NRAP: variants seen among roughly 807,000 people sequenced by gnomAD.
NRAP encodes the protein nebulin-related-anchoring protein.
A neutral mutation model predicts 225.9 loss-of-function variants in NRAP; 189 were observed. That is an observed-to-expected ratio of 0.84 (90% confidence interval 0.74 to 0.94). NRAP has a LOEUF of 0.94. Ranked by LOEUF, NRAP falls within the 40% of genes least tolerant of loss-of-function variation. The probability of loss-of-function intolerance (pLI) is 0.00; values close to 1 mark genes in which losing one functional copy is unlikely to be tolerated. For synonymous variants in NRAP, 769 were observed against 790.7 expected, an observed-to-expected ratio of 0.97 and a Z score of 0.46; for missense variants, 2,176 against 2,168.7, an observed-to-expected ratio of 1.00 and a Z score of -0.07.
At position 113,628,829 on chromosome 10, in the gene NRAP, A is replaced by G. The variant is rs2286741; in HGVS notation, c.2145+88T>C. Reference sequence around the variant, plus strand: ...AATCACAGCCAAAATAAATCTGAGGATAGAGAAAGGGAATTAGAGGCAAAG... The same window carrying G: ...AATCACAGCCAAAATAAATCTGAGGGTAGAGAAAGGGAATTAGAGGCAAAG... On this transcript the variant is annotated intron_variant, in intron 20 of 41. Coordinates refer to ENST00000359988, the MANE Select transcript of NRAP (RefSeq NM_198060.4). The G allele has an allele frequency of 0.3, 217,724 of 719,024 alleles. 33,964 individuals are homozygous for G. The highest frequency in any genetic ancestry group is 0.4 in the Admixed American group (15,936 of 39,540). The allele number at this position is 719,024 out of a possible 1,614,324, so 44.5% of individuals were successfully genotyped here.
At chr10:113,641,262 T>C in intron 13 of NRAP, 103 bp downstream of exon 13, 1 of 685,970 alleles carries the variant, frequency 1.5e-6, no homozygotes, top group Non-Finnish European at 2.4e-6. Flanking sequence ...GTCTTTAAAA[T>C]AGAAGACAGA....
intron 14 of NRAP, among the ~76,000 whole-genome samples, 154 bp downstream of exon 14, chr10:113,640,073 G>C (rs189834783): frequency 2.1e-3 from 313 of 152,310 alleles, no homozygotes; most frequent in Middle Eastern, 0.02. Context: ...GAACTTCCTA[G>C]TGGAAAATAG....
At chr10:113,624,330 T>G (rs1353267046) in intron 22 of NRAP, among the ~76,000 whole-genome samples, 3 of 152,194 alleles carry the variant, frequency 2.0e-5, no homozygotes, top group Non-Finnish European at 4.4e-5. Flanking sequence ...GCTACCACTG[T>G]GCACTTGCCT....
chr10:113,650,433 C>T lies in NRAP; in HGVS notation c.783+5G>A. On this transcript the variant is annotated splice_donor_5th_base_variant and intron_variant, in intron 8 of 41. Transcript: ENST00000359988. ...TAACATGACCACATTGTCAAGGACA[C>T]TTACATCACTTGCCAGCTCATTGGC... The T allele has an allele frequency of 6.2e-7, 1 of 1,600,916 alleles. No homozygotes were observed. The highest frequency in any genetic ancestry group is 8.6e-7 in the Non-Finnish European group (1 of 1,167,802).
At chr10:113,589,593 T>G in intron 41 of NRAP, 73 bp downstream of exon 41, 8 of 1,545,036 alleles carry the variant, frequency 5.2e-6, no homozygotes, top group Non-Finnish European at 7.0e-6. Flanking sequence ...AAATAAACTT[T>G]GAAAAGAAAC....
intron 26 of NRAP, 69 bp from the exon 27 acceptor site, chr10:113,615,885 T>TGCAGC: frequency 1.1e-6 from 1 of 894,220 alleles, no homozygotes; most frequent in South Asian, 1.4e-5. Flanking sequence ...CAGGTTACGC[T>TGCAGC]TCAAGAGTCC....
At chr10:113,605,170 G>A (rs1409534073) in intron 34 of NRAP, among the ~76,000 whole-genome samples, 1 of 152,204 alleles carries the variant, frequency 6.6e-6, no homozygotes, top group Admixed American at 6.5e-5. Context: ...ATGGCCAAAA[G>A]GAATTTATCA....
Position 113,595,653 on chromosome 10 carries a change from T to C in NRAP, c.4506A>G (p.Arg1502=), listed in dbSNP as rs763752200. The change falls in exon 38 of 42, where the codon CGA becomes CGG. Residue 1502 remains arginine, a synonymous_variant. Transcript: ENST00000359988. ...TCAGATGCAGCGCATTGAGGCGAGCTCGGGTGAAATCGGGATGGTCGGGGA... is the reference window on the plus strand; with the variant it reads ...TCAGATGCAGCGCATTGAGGCGAGCCCGGGTGAAATCGGGATGGTCGGGGA... ...TLIPDHPDFT[R]ARLNALHLSD... 1 of 1,613,584 alleles carries C rather than the reference T, an allele frequency of 6.2e-7. No homozygotes were observed. Among genetic ancestry groups the C allele is most frequent in the Non-Finnish European group, 8.5e-7 (1 of 1,179,548 alleles).
chr10:113,627,215 ACTC>A (rs1367178949), intron 20 of NRAP, among the ~76,000 whole-genome samples: 2 of 152,030 alleles, frequency 1.3e-5, no homozygotes, highest in African/African-American at 4.8e-5. Context: ...GAATGGGAAA[ACTC>A]CTTCACCACA....
chr10:113,643,484 T>A (rs952525396), intron 11 of NRAP, among the ~76,000 whole-genome samples: 1 of 152,200 alleles, frequency 6.6e-6, no homozygotes, highest in African/African-American at 2.4e-5. Context: ...CACTATACAT[T>A]TATGATGTAT....
Position 113,657,554 on chromosome 10 carries a change from A to C in NRAP, c.276T>G (p.Gly92=). The C allele has an allele frequency of 1.3e-6, 2 of 1,592,230 alleles. No homozygotes were observed. The highest frequency in any genetic ancestry group is 1.1e-5 in the South Asian group (1 of 90,572). ...AGTGAAAAACTGATTTACACTGTTC[A>C]CCATCTTCTTGGTCATGGATCTGCT... ...AISGIHDQED[G]EQCKSVFHWD... Residue 92 remains glycine (G), a synonymous_variant, in exon 4 of 42, where the codon GGT becomes GGG. Coordinates refer to ENST00000359988, the MANE Select transcript of NRAP (RefSeq NM_198060.4).
In NRAP at chr10:113,643,024, C is replaced by G. The variant is rs1180441239; in HGVS notation, c.1125G>C (p.Lys375Asn). 1 of 1,555,504 alleles carries G rather than the reference C, an allele frequency of 6.4e-7. No homozygotes were observed. Among genetic ancestry groups the G allele is most frequent in the Admixed American group, 1.7e-5 (1 of 59,886 alleles). ...NKLVSEVEYK[K>N]DLESSRGHSI... The stretch of plus-strand genomic sequence containing the variant: ...TGTGACCTCTACTACTTTCCAGATC[C>G]TTCTTATACTCCACCTTGGAAATCA... The change falls in exon 12 of 42, where the codon AAG (lysine) becomes AAC (asparagine). Residue 375 changes from lysine to asparagine, a missense_variant. Transcript: ENST00000359988.
chr10:113,662,130 T>C (rs10430682), intron 3 of NRAP, among the ~76,000 whole-genome samples: 25,376 of 152,152 alleles, frequency 0.17, 2,313 homozygotes, highest in African/African-American at 0.25. Context: ...CAAACAGTCA[T>C]ATTTGTTACT....
chr10:113,634,421 A>G (rs1848746908), intron 14 of NRAP, among the ~76,000 whole-genome samples: 1 of 152,214 alleles, frequency 6.6e-6, no homozygotes, highest in Admixed American at 6.5e-5. Context: ...AACTCATAAA[A>G]GAGGTGAATT....
intron 34 of NRAP, 87 bp from the exon 35 acceptor site, chr10:113,605,007 T>C (rs1353610683): frequency 1.4e-6 from 2 of 1,464,350 alleles, no homozygotes; most frequent in African/African-American, 1.4e-5. Context: ...CACTAGGAGG[T>C]GATGATTATA....
At position 113,640,265 on chromosome 10, in the gene NRAP, A is replaced by G. The variant is rs1367605765; in HGVS notation, c.1390T>C (p.Ser464Pro). The G allele has an allele frequency of 6.2e-7, 1 of 1,606,908 alleles. No homozygotes were observed. ...DYNYPATLTP[S>P]YQTAMKLVPL... is the part of the protein sequence containing the mutation. ...ACCAGTTTCATAGCTGTTTGATAGG[A>G]AGGCGTGAGAGTGGCTGGGTAGTTG... is the stretch of plus-strand genomic sequence containing the variant. The change falls in exon 14 of 42, where the codon TCC becomes CCC. Residue 464 changes from serine to proline, a missense_variant. Around this residue, in one of 3 missense-constraint regions of NRAP, gnomAD observed 1,708 missense variants for 1,695.5 expected, o/e 1.01. Transcript: ENST00000359988.
At chr10:113,592,117 G>A (rs1250827942) in intron 39 of NRAP, 77 bp downstream of exon 39, 1 of 783,320 alleles carries the variant, frequency 1.3e-6, no homozygotes, top group Non-Finnish European at 2.1e-6. Flanking sequence ...AGGTCCTGGT[G>A]GTTTGCCTTT....
chr10:113,651,060 G>T (rs576480502), intron 7 of NRAP, among the ~76,000 whole-genome samples: 1 of 152,350 alleles, frequency 6.6e-6, no homozygotes, highest in African/African-American at 2.4e-5. Flanking sequence ...ATTTGTAGTG[G>T]CAAGAGAGAT....
chr10:113,621,807 G>A (rs1848004876), intron 24 of NRAP, 62 bp downstream of exon 24: 17 of 1,471,282 alleles, frequency 1.2e-5, no homozygotes. Flanking sequence ...GGAAACACTT[G>A]CACTAGCACA....
Sources: allele counts gnomAD v4.1 joint callset (sites outside exome capture counted in the v4.1 genomes callset), GRCh38; gene constraint gnomAD v4.1.1; regional missense constraint gnomAD v4.1.1; transcripts MANE v1.5; gene names NCBI Gene and HGNC (gene_info 2026-07-23, HGNC 2026-07-21).